The following CDC42BPA variants were observed in gnomAD, a reference collection of about 807,000 sequenced individuals.
CDC42BPA encodes CDC42 binding protein kinase alpha.
A neutral mutation model predicts 223.5 loss-of-function variants in CDC42BPA; 80 were observed. The observed-to-expected ratio is 0.36, with a 90% CI of 0.30 to 0.43. The LOEUF (loss-of-function observed/expected upper bound fraction) is 0.43. Ranked by LOEUF, CDC42BPA falls within the 20% of genes least tolerant of loss-of-function variation. The pLI is 1.00. For missense variants in CDC42BPA, 1,743 were observed against 2,099.9 expected (o/e 0.83, Z 3.32); for synonymous variants, 694 against 718.6 (o/e 0.97, Z 0.55).
chr1:227,172,578 G>A (rs556002316), intron 5 of CDC42BPA, among the ~76,000 whole-genome samples: 9 of 151,952 alleles, frequency 5.9e-5, no homozygotes, highest in Non-Finnish European at 8.8e-5. Flanking sequence ...AGAGAAAAGC[G>A]GGGAGTAATG....
chr1:227,253,473 G>A (rs1225111076), intron 2 of CDC42BPA, among the ~76,000 whole-genome samples: 1 of 152,162 alleles, frequency 6.6e-6, no homozygotes, highest in Non-Finnish European at 1.5e-5. Flanking sequence ...GCGGACGCCT[G>A]TAATCCCAGC....
At chr1:227,002,842 C>T (rs1174148295) in intron 35 of CDC42BPA, among the ~76,000 whole-genome samples, 1 of 152,148 alleles carries the variant, frequency 6.6e-6, no homozygotes, top group Non-Finnish European at 1.5e-5. Context: ...GTGACTGTGG[C>T]CCCAGCAGAC....
At chr1:227,154,215 C>A (rs1662310064) in intron 6 of CDC42BPA, among the ~76,000 whole-genome samples, 1 of 151,752 alleles carries the variant, frequency 6.6e-6, no homozygotes, top group Non-Finnish European at 1.5e-5. Flanking sequence ...TTAGTTACAA[C>A]CAGAATCATA....
chr1:227,012,410 C>A (rs2148453035), intron 34 of CDC42BPA, among the ~76,000 whole-genome samples: 1 of 152,184 alleles, frequency 6.6e-6, no homozygotes, highest in East Asian at 1.9e-4. Context: ...TGTCTTGGCT[C>A]ACTTAGATAC....
intron 1 of CDC42BPA, among the ~76,000 whole-genome samples, chr1:227,301,990 A>G (rs976030712): frequency 5.9e-5 from 9 of 152,026 alleles, no homozygotes; most frequent in Non-Finnish European, 1.3e-4. Context: ...AGATTTTCTA[A>G]TCTCCTCTCA....
intron 1 of CDC42BPA, among the ~76,000 whole-genome samples, chr1:227,258,621 G>A (rs888760795): frequency 2.0e-5 from 3 of 150,770 alleles, no homozygotes; most frequent in Non-Finnish European, 4.4e-5. Context: ...TTATAGCTGA[G>A]AGTTCAGAAA....
At chr1:226,998,053 A>G (rs1661999570) in intron 35 of CDC42BPA, among the ~76,000 whole-genome samples, 1 of 152,222 alleles carries the variant, frequency 6.6e-6, no homozygotes, top group Admixed American at 6.5e-5. Context: ...AATTGCTACA[A>G]ACAGAATAAA....
chr1:227,089,306 TCTAAC>T (rs1219793381), intron 16 of CDC42BPA, among the ~76,000 whole-genome samples: 1 of 152,208 alleles, frequency 6.6e-6, no homozygotes, highest in Non-Finnish European at 1.5e-5. Flanking sequence ...ACTACCCACT[TCTAAC>T]CAAATTGGAA....
chr1:227,273,995 C>CAAAAG (rs1686471255), intron 1 of CDC42BPA, among the ~76,000 whole-genome samples: 1 of 57,002 alleles, frequency 1.8e-5, no homozygotes, highest in Non-Finnish European at 3.2e-5. Flanking sequence ...TCGTATACAC[C>CAAAAG]AAAAAAAAAA....
chr1:227,280,654 T>G (rs1188852750), intron 1 of CDC42BPA, among the ~76,000 whole-genome samples: 2 of 152,240 alleles, frequency 1.3e-5, no homozygotes, highest in African/African-American at 4.8e-5. Context: ...CTAAATTATC[T>G]CCTGAGCTTT....
chr1:227,217,223 G>C (rs1489084566), intron 2 of CDC42BPA, among the ~76,000 whole-genome samples: 1 of 152,024 alleles, frequency 6.6e-6, no homozygotes, highest in Non-Finnish European at 1.5e-5. Flanking sequence ...GAGGTGGGTG[G>C]ATCACCTGAG....
At position 227,069,800 on chromosome 1, in the gene CDC42BPA, T is replaced by G; in HGVS notation, c.2881A>C (p.Thr961Pro). Residue 961 changes from threonine (T) to proline (P), a missense_variant, in exon 21 of 37, where the codon ACC becomes CCC. Physicochemically the swap from Thr to Pro is conservative, Grantham distance 38. Transcript: ENST00000366766. ...ACTTCAAATTGATCCAGAGCATCGG[T>G]AGGCGTATTCAAAAATGCCAAGAAA... ...HSFLAFLNTP[T>P]DALDQFETDP... 2 of 1,610,946 alleles carry G rather than the reference T, an allele frequency of 1.2e-6. No homozygotes were observed. Among genetic ancestry groups the G allele is most frequent in the Non-Finnish European group, 1.7e-6 (2 of 1,177,512 alleles).
chr1:227,118,864 T>C (rs1558536956), intron 12 of CDC42BPA, among the ~76,000 whole-genome samples: 1 of 152,126 alleles, frequency 6.6e-6, no homozygotes. Context: ...ACAAAAAAAT[T>C]GCTTGAAACC....
chr1:227,217,641 A>G (rs956538736), intron 2 of CDC42BPA, among the ~76,000 whole-genome samples: 4 of 151,962 alleles, frequency 2.6e-5, no homozygotes, highest in Admixed American at 2.0e-4. Context: ...TCTCCAAGTA[A>G]AAGTCAAAAT....
intron 10 of CDC42BPA, among the ~76,000 whole-genome samples, chr1:227,129,702 C>CATATATATATATATATATAT (rs1196658904): frequency 0.021 from 1,478 of 70,750 alleles, 26 homozygotes; most frequent in Non-Finnish European, 0.027. Flanking sequence ...AAATCCACTG[C>CATATATATATATATATATAT]ATATATATAT....
intron 5 of CDC42BPA, among the ~76,000 whole-genome samples, chr1:227,175,362 T>C (rs1356449333): frequency 6.6e-6 from 1 of 152,072 alleles, no homozygotes; most frequent in Non-Finnish European, 1.5e-5. Context: ...AGAGACATCA[T>C]AAAATATATC....
At chr1:227,134,468 CTT>C (rs898098694) in intron 10 of CDC42BPA, among the ~76,000 whole-genome samples, 3 of 152,148 alleles carry the variant, frequency 2.0e-5, no homozygotes, top group Non-Finnish European at 4.4e-5. Context: ...CACATTTTCT[CTT>C]TTTCTTGTCA....
At position 227,220,282 on chromosome 1, in the gene CDC42BPA, T is replaced by TTATATA. The variant is rs368690606; in HGVS notation, c.271-7069_271-7064dup. Among the ~76,000 whole-genome samples the TTATATA allele has an allele frequency of 5.8e-3, 584 of 100,682 alleles. 3 individuals are homozygous for TTATATA. Among genetic ancestry groups the TTATATA allele is most frequent in the Non-Finnish European group, 7.3e-3 (373 of 51,388 alleles). 66.1% of individuals were successfully genotyped at this position (100,682 alleles called of 152,430 possible). A position where few individuals can be genotyped will look rare whatever the true frequency, so the allele number is the denominator to read the frequency against. ...GTCTCTTTAATGAAAAAAAGTCATG[T>TTATATA]TATATATATATATATATATATATAT... On this transcript the variant is annotated intron_variant, in intron 2 of 36. Coordinates refer to ENST00000366766, the MANE Select transcript of CDC42BPA (RefSeq NM_001394014.1).
chr1:227,007,802 A>T (rs1049313960), intron 34 of CDC42BPA, among the ~76,000 whole-genome samples: 1 of 152,252 alleles, frequency 6.6e-6, no homozygotes, highest in Non-Finnish European at 1.5e-5. Flanking sequence ...ATGCTATTTA[A>T]CGTTAATAGA....
Sources: allele counts gnomAD v4.1 joint callset (sites outside exome capture counted in the v4.1 genomes callset), GRCh38; gene constraint gnomAD v4.1.1; transcripts MANE v1.5; gene names NCBI Gene and HGNC (gene_info 2026-07-23, HGNC 2026-07-21).